The following SMC2 variants were observed in gnomAD, a reference collection of about 807,000 sequenced individuals.
The protein encoded by SMC2 is structural maintenance of chromosomes protein 2.
Under a neutral mutation model 142.6 loss-of-function variants are expected in SMC2, and 41 were observed. That is an observed-to-expected ratio of 0.29 (90% CI 0.22 to 0.37). The LOEUF is 0.37. Among genes scored for constraint, SMC2 ranks in the 10% least tolerant of loss-of-function variants. SMC2 has a pLI of 1.00. For missense variants in SMC2, 1,265 were observed against 1,373.7 expected (o/e 0.92, Z 1.25); for synonymous variants, 463 against 457.5 (o/e 1.01, Z -0.15).
At chr9:104,119,915 T>C in intron 15 of SMC2, 112 bp from the exon 16 acceptor site, 1 of 1,045,456 alleles carries the variant, frequency 9.6e-7, no homozygotes, top group Non-Finnish European at 1.4e-6. Context: ...ATAAGCTCAT[T>C]AAAATATTTA....
upstream of SMC2, among the ~76,000 whole-genome samples, chr9:104,093,251 G>GT (rs1322288637): frequency 6.6e-6 from 1 of 152,032 alleles, no homozygotes; most frequent in African/African-American, 2.4e-5. Flanking sequence ...TAACTCTTAA[G>GT]TATCAACGTG....
intron 10 of SMC2, among the ~76,000 whole-genome samples, chr9:104,112,532 T>TTCTC (rs1832584934): frequency 6.7e-6 from 1 of 150,206 alleles, no homozygotes; most frequent in South Asian, 2.1e-4. Flanking sequence ...CCTCAGGTTT[T>TTCTC]TCTCTTTATA....
chr9:104,095,357 G>T lies in SMC2; in HGVS notation c.-28G>T. 1 of 1,599,918 alleles carries T rather than the reference G, an allele frequency of 6.3e-7. No individual in the cohort carries two copies. The highest frequency in any genetic ancestry group is 8.5e-7 in the Non-Finnish European group (1 of 1,171,372). On this transcript the variant is annotated 5_prime_UTR_variant, in exon 2 of 25. In the 5' UTR this introduces an upstream ATG that the reference lacks. Transcript: ENST00000374793. ...TGTGGCCTGTTTGATTCCTGTCAGA[G>T]GTTTGCTGACCCAAGACAGTATCGA...
Position 104,100,172 on chromosome 9 carries a change from A to G in SMC2, c.560A>G (p.Lys187Arg). Residue 187 changes from lysine (K) to arginine (R), a missense_variant, in exon 6 of 25, where the codon AAA becomes AGA. This residue lies in a region of SMC2 where 898 missense variants were observed against 904.2 expected (regional missense o/e 0.99). Transcript: ENST00000374793. ...ATAGCTGCACAGAAAACTATAGAAA[A>G]AAAGGAGGCTAAGCTGAAAGAAATT... The part of the protein sequence containing the change: ...KKIAAQKTIE[K>R]KEAKLKEIKT... 6.4e-7 allele frequency: 1 copy of G among 1,572,818 alleles called. No homozygotes were observed. Among genetic ancestry groups the G allele is most frequent in the East Asian group, 2.3e-5 (1 of 44,378 alleles).
chr9:104,096,089 G>A, intron 2 of SMC2, 59 bp from the exon 3 acceptor site: 4 of 1,523,738 alleles, frequency 2.6e-6, no homozygotes, highest in Non-Finnish European at 3.6e-6. Flanking sequence ...CCCATTTTTA[G>A]TGCTGCTTTG....
intron 9 of SMC2, among the ~76,000 whole-genome samples, chr9:104,105,406 C>T (rs976628572): frequency 6.6e-6 from 1 of 152,212 alleles, no homozygotes; most frequent in Admixed American, 6.5e-5. Flanking sequence ...TGATGTAGCC[C>T]TTGGATGCAC....
intron 17 of SMC2, among the ~76,000 whole-genome samples, chr9:104,124,658 TGTAAAAGGATAGTTGTA>T (rs1333929871): frequency 6.6e-6 from 1 of 152,156 alleles, no homozygotes; most frequent in Non-Finnish European, 1.5e-5. Flanking sequence ...TCAATACCTT[TGTAAAAGGATAGTTGTA>T]GGTAAAGTTC....
chr9:104,091,101 C>T (rs1829976282), upstream of SMC2, among the ~76,000 whole-genome samples: 1 of 152,140 alleles, frequency 6.6e-6, no homozygotes, highest in African/African-American at 2.4e-5. Context: ...AGGTTATATT[C>T]GGTGAACCCA....
chr9:104,088,803 G>A, the SMC2 span, among the ~76,000 whole-genome samples: 1 of 151,992 alleles, frequency 6.6e-6, no homozygotes, highest in Non-Finnish European at 1.5e-5. Flanking sequence ...CTCAACTATG[G>A]ATTCCTTGGA....
At chr9:104,099,599 T>C (rs1048338819) in intron 4 of SMC2, 45 bp from the exon 5 acceptor site, 18 of 1,260,772 alleles carry the variant, frequency 1.4e-5, no homozygotes, top group African/African-American at 2.9e-5. Flanking sequence ...AGATAAACAT[T>C]TTCTGTAATT....
rs918810150 is a variant in SMC2, at chr9:104,116,404, A to C, written c.1791+85A>C. ...GAAGACATTAATTTTGAGGGACATAATCATATGCAGAACCACAAAATTAAA... is the reference window on the plus strand; with the variant it reads ...GAAGACATTAATTTTGAGGGACATACTCATATGCAGAACCACAAAATTAAA... On this transcript the variant is annotated intron_variant, in intron 14 of 24. Transcript: ENST00000374793. 7.8e-6 allele frequency: 10 copies of C among 1,280,610 alleles called. No homozygotes were observed. The African/African-American group carries it at 1.4e-4, about 18-fold the overall frequency. 79.3% of individuals were successfully genotyped at this position (1,280,610 alleles called of 1,614,324 possible). A position where few individuals can be genotyped will look rare whatever the true frequency, so the allele number is the denominator to read the frequency against.
chr9:104,115,976 C>CTGAT (rs1044994793), intron 13 of SMC2, among the ~76,000 whole-genome samples: 59 of 151,886 alleles, frequency 3.9e-4, no homozygotes, highest in African/African-American at 1.4e-3. Context: ...TTTTCTTCGT[C>CTGAT]TGATTATGTC....
chr9:104,137,206 TACTTGAAGTTACAGA>T (rs1370419087), intron 23 of SMC2, among the ~76,000 whole-genome samples: 1 of 152,210 alleles, frequency 6.6e-6, no homozygotes, highest in African/African-American at 2.4e-5. Flanking sequence ...TGCCAGGATG[TACTTGAAGTTACAGA>T]ATAAGTATAT....
intron 21 of SMC2, among the ~76,000 whole-genome samples, chr9:104,131,808 T>A (rs1193836668): frequency 2.6e-5 from 4 of 152,036 alleles, no homozygotes; most frequent in Non-Finnish European, 5.9e-5. Context: ...AGTGTGTATA[T>A]GAGTGTGTAT....
intron 9 of SMC2, among the ~76,000 whole-genome samples, chr9:104,108,718 A>C (rs902062755): frequency 6.6e-6 from 1 of 152,206 alleles, no homozygotes; most frequent in Non-Finnish European, 1.5e-5. Context: ...ATACAGCACA[A>C]GTTATATGAA....
At chr9:104,113,226 T>C in intron 10 of SMC2, 90 bp from the exon 11 acceptor site, 1 of 936,962 alleles carries the variant, frequency 1.1e-6, no homozygotes, top group Non-Finnish European at 1.5e-6. Flanking sequence ...TTAAGGTCTC[T>C]TAGTAAAACC....
In SMC2 at chr9:104,099,864, G is replaced by T. The variant is rs1432612052; in HGVS notation, c.480+182G>T. ...CCAAATATTAAAATTGATTTTGATT[G>T]TATAAAGGAGTCTTGCTTAGCTGGT... On this transcript the variant is annotated intron_variant, in intron 5 of 24. Coordinates refer to ENST00000374793, the MANE Select transcript of SMC2 (RefSeq NM_006444.3). 3.3e-5 allele frequency among the ~76,000 whole-genome samples: 5 copies of T among 152,132 alleles called. No individual in the cohort carries two copies. The South Asian group carries it at 1.0e-3, about 32-fold the overall frequency.
intron 9 of SMC2, among the ~76,000 whole-genome samples, chr9:104,110,229 G>C (rs1214749465): frequency 6.6e-6 from 1 of 152,158 alleles, no homozygotes; most frequent in African/African-American, 2.4e-5. Context: ...AGAGAAGTCA[G>C]GATGCTACAA....
chr9:104,140,857 C>G lies in SMC2; in HGVS notation c.*1542C>G, dbSNP rs959459704. ...GTTAATTTTAATATTTCTGATTTAACAGTTAGTTATTAAGTGGTACTTCAT... is the reference window on the plus strand; with the variant it reads ...GTTAATTTTAATATTTCTGATTTAAGAGTTAGTTATTAAGTGGTACTTCAT... On this transcript the variant is annotated 3_prime_UTR_variant, in exon 25 of 25. Transcript: ENST00000374793. 2 of 152,100 alleles carry G rather than the reference C, an allele frequency of 1.3e-5. No individual in the cohort carries two copies. The highest frequency in any genetic ancestry group is 2.9e-5 in the Non-Finnish European group (2 of 68,006). 9.4% of individuals were successfully genotyped at this position (152,100 alleles called of 1,614,324 possible). A position where few individuals can be genotyped will look rare whatever the true frequency, so the allele number is the denominator to read the frequency against.
Sources: allele counts gnomAD v4.1 joint callset (sites outside exome capture counted in the v4.1 genomes callset), GRCh38; gene constraint gnomAD v4.1.1; regional missense constraint gnomAD v4.1.1; transcripts MANE v1.5; gene names NCBI Gene and HGNC (gene_info 2026-07-23, HGNC 2026-07-21).